Variants in DPYD observed in about 807,000 individuals in gnomAD.
DPYD encodes the protein dihydropyrimidine dehydrogenase [NADP(+)].
Under a neutral mutation model 116.2 loss-of-function variants are expected in DPYD, and 109 were observed. The observed-to-expected ratio is 0.94, with a 90% CI of 0.80 to 1.10. The LOEUF (loss-of-function observed/expected upper bound fraction) is 1.10. Ranked by LOEUF, DPYD falls within the 50% of genes least tolerant of loss-of-function variation. DPYD has a pLI of 0.00. For missense variants in DPYD, 1,302 were observed against 1,254.5 expected (o/e 1.04, Z -0.57); for synonymous variants, 440 against 432.0 (o/e 1.02, Z -0.23).
intron 19 of DPYD, among the ~76,000 whole-genome samples, chr1:97,206,674 ATATATATAT>A: frequency 9.9e-6 from 1 of 101,326 alleles, no homozygotes; most frequent in South Asian, 3.3e-4. Flanking sequence ...ATATATATAT[ATATATATAT>A]ATATAATCTA....
intron 18 of DPYD, among the ~76,000 whole-genome samples, chr1:97,284,393 G>A (rs1665525871): frequency 6.6e-6 from 1 of 151,986 alleles, no homozygotes; most frequent in Non-Finnish European, 1.5e-5. Flanking sequence ...ATTTTAGAAT[G>A]AGTTTCCAGA....
chr1:97,109,388 C>T (rs6593630), intron 20 of DPYD, among the ~76,000 whole-genome samples: 130,577 of 152,120 alleles, frequency 0.86, 56,186 homozygotes, highest in East Asian at 0.99. Context: ...GCTTTTGAAA[C>T]CCACCTTCAA....
chr1:97,405,377 C>T (rs1261089279), intron 14 of DPYD, among the ~76,000 whole-genome samples: 1 of 152,010 alleles, frequency 6.6e-6, no homozygotes, highest in African/African-American at 2.4e-5. Context: ...GAGGTTTATT[C>T]TGAATACATT....
chr1:97,078,917 T>C lies in DPYD; in HGVS notation c.*59A>G. On this transcript the variant is annotated 3_prime_UTR_variant, in exon 23 of 23. Coordinates refer to ENST00000370192, the MANE Select transcript of DPYD (RefSeq NM_000110.4). Reference sequence around the variant, plus strand: ...GAGCTGAACACAAGGATCATGATTTTAAAAGATCAGCATATGTAGGTGACA... The same window carrying C: ...GAGCTGAACACAAGGATCATGATTTCAAAAGATCAGCATATGTAGGTGACA... The C allele has an allele frequency of 6.3e-7, 1 of 1,577,320 alleles. No individual in the cohort carries two copies. The highest frequency in any genetic ancestry group is 8.7e-7 in the Non-Finnish European group (1 of 1,146,750).
chr1:97,771,415 T>C (rs1666135917), intron 3 of DPYD, among the ~76,000 whole-genome samples: 1 of 152,188 alleles, frequency 6.6e-6, no homozygotes. Context: ...TGATCTCTAG[T>C]AATATATCCT....
chr1:97,588,072 T>C (rs985364198), intron 10 of DPYD, among the ~76,000 whole-genome samples: 3 of 152,132 alleles, frequency 2.0e-5, no homozygotes, highest in Non-Finnish European at 4.4e-5. Flanking sequence ...GAAGAAAAAT[T>C]TGATGAACAG....
intron 1 of DPYD, among the ~76,000 whole-genome samples, chr1:97,890,348 A>T (rs1448873929): frequency 6.6e-6 from 1 of 151,988 alleles, no homozygotes; most frequent in Non-Finnish European, 1.5e-5. Context: ...TATTCACTGT[A>T]ATACCACTAA....
chr1:97,387,645 T>C (rs958298421), intron 14 of DPYD, among the ~76,000 whole-genome samples: 2 of 152,022 alleles, frequency 1.3e-5, no homozygotes, highest in Non-Finnish European at 2.9e-5. Flanking sequence ...CTCCCTGAGT[T>C]GAAAACTGAG....
At chr1:97,529,657 CT>C (rs977950720) in intron 12 of DPYD, among the ~76,000 whole-genome samples, 12 of 151,040 alleles carry the variant, frequency 7.9e-5, no homozygotes, top group Admixed American at 1.3e-4. Context: ...TTATCCCTTC[CT>C]TTTTTTCTTT....
At chr1:97,240,395 C>T (rs1004603334) in intron 18 of DPYD, among the ~76,000 whole-genome samples, 3 of 151,868 alleles carry the variant, frequency 2.0e-5, no homozygotes, top group African/African-American at 7.2e-5. Context: ...GGAACATATG[C>T]TAAATAACTG....
At chr1:97,314,166 A>C (rs1667677673) in intron 16 of DPYD, among the ~76,000 whole-genome samples, 1 of 151,812 alleles carries the variant, frequency 6.6e-6, no homozygotes, top group Non-Finnish European at 1.5e-5. Flanking sequence ...ACGAGAACCC[A>C]CCTGAGGACC....
At chr1:97,865,408 A>T (rs995133015) in intron 2 of DPYD, among the ~76,000 whole-genome samples, 4 of 151,922 alleles carry the variant, frequency 2.6e-5, no homozygotes, top group African/African-American at 9.7e-5. Context: ...AAGAATATGG[A>T]ATGTTAAGAC....
intron 3 of DPYD, among the ~76,000 whole-genome samples, chr1:97,809,034 A>T (rs552232641): frequency 6.6e-6 from 1 of 152,292 alleles, no homozygotes; most frequent in East Asian, 1.9e-4. Context: ...CTAAAATATA[A>T]AGTCATGGAG....
intron 3 of DPYD, among the ~76,000 whole-genome samples, chr1:97,769,447 C>A (rs1405068517): frequency 2.0e-5 from 3 of 152,014 alleles, no homozygotes; most frequent in African/African-American, 7.2e-5. Flanking sequence ...AAACATTTGC[C>A]ATTATATGAT....
chr1:97,599,229 T>C (rs1655088204), intron 8 of DPYD, among the ~76,000 whole-genome samples: 1 of 152,222 alleles, frequency 6.6e-6, no homozygotes, highest in Non-Finnish European at 1.5e-5. Context: ...TATTTTTCAC[T>C]ATTTGATATT....
chr1:97,606,990 T>C (rs1331066670), intron 8 of DPYD, among the ~76,000 whole-genome samples: 2 of 151,876 alleles, frequency 1.3e-5, no homozygotes, highest in Non-Finnish European at 2.9e-5. Flanking sequence ...ACGACAAATG[T>C]AGAGAGACTG....
intron 2 of DPYD, among the ~76,000 whole-genome samples, chr1:97,869,478 T>C (rs570121285): frequency 6.6e-6 from 1 of 151,874 alleles, no homozygotes; most frequent in South Asian, 2.1e-4. Flanking sequence ...ATAAGGACCA[T>C]TTTGAGCTGA....
Position 97,078,053 on chromosome 1 carries a change from G to C in DPYD, c.*923C>G, listed in dbSNP as rs1648907476. ...AACATAAACACTAAAACAGAGAGTAGTCAAACTGATTTGGCACACTTAATA... is the reference window on the plus strand; with the variant it reads ...AACATAAACACTAAAACAGAGAGTACTCAAACTGATTTGGCACACTTAATA... On this transcript the variant is annotated 3_prime_UTR_variant, in exon 23 of 23. Transcript: ENST00000370192. 6.6e-6 allele frequency: 1 copy of C among 152,108 alleles called. No individual in the cohort carries two copies. Among genetic ancestry groups the C allele is most frequent in the South Asian group, 2.1e-4 (1 of 4,832 alleles). 9.4% of individuals were successfully genotyped at this position (152,108 alleles called of 1,614,324 possible).
intron 4 of DPYD, among the ~76,000 whole-genome samples, chr1:97,724,293 TGGGG>T (rs71883710): frequency 1.5e-3 from 33 of 21,782 alleles, no homozygotes; most frequent in African/African-American, 4.2e-3. Flanking sequence ...AGGATGTATG[TGGGG>T]GGGGGGGGGG....
Sources: allele counts gnomAD v4.1 joint callset (sites outside exome capture counted in the v4.1 genomes callset), GRCh38; gene constraint gnomAD v4.1.1; transcripts MANE v1.5; gene names NCBI Gene and HGNC (gene_info 2026-07-23, HGNC 2026-07-21).